SPATA13: variants seen among roughly 807,000 people sequenced by gnomAD.
The protein encoded by SPATA13 is spermatogenesis-associated protein 13.
SPATA13 carries 50 observed loss-of-function variants against 104.0 expected under a neutral mutation model. The ratio of observed to expected loss-of-function variants is 0.48; its 90% CI spans 0.38 to 0.61. The LOEUF (loss-of-function observed/expected upper bound fraction) is 0.61. SPATA13 is among the 20% of genes least tolerant of loss of function. The pLI is 0.00. For synonymous variants in SPATA13, 606 were observed against 667.5 expected, an observed-to-expected ratio of 0.91 and a Z score of 1.42; for missense variants, 1,524 against 1,690.6, an observed-to-expected ratio of 0.90 and a Z score of 1.73.
chr13:24,067,299 C>T (rs1177419300), intron 3 of SPATA13, among the ~76,000 whole-genome samples: 1 of 151,438 alleles, frequency 6.6e-6, no homozygotes, highest in African/African-American at 2.4e-5. Context: ...CCTACTAATC[C>T]CATGTCCCTG....
intron 3 of SPATA13, among the ~76,000 whole-genome samples, chr13:24,095,624 T>A (rs558713314): frequency 1.3e-5 from 2 of 152,292 alleles, no homozygotes; most frequent in Admixed American, 1.3e-4. Flanking sequence ...AAAAACCACC[T>A]TAGATAACAG....
At chr13:24,180,890 G>A (rs1039433924) in intron 1 of SPATA13, among the ~76,000 whole-genome samples, 10 of 151,996 alleles carry the variant, frequency 6.6e-5, no homozygotes, top group Admixed American at 4.6e-4. Context: ...ATCTCTGTGC[G>A]AACATTGTCA....
intron 3 of SPATA13, among the ~76,000 whole-genome samples, chr13:24,114,355 A>AAGTGTGTGCCTGCATGTGTGCACATG (rs1277431925): frequency 1.8e-4 from 13 of 72,986 alleles, no homozygotes; most frequent in Non-Finnish European, 3.2e-4. Context: ...TTCAGTGTGC[A>AAGTGTGTGCCTGCATGTGTGCACATG]CGTGTGTGCC....
At position 24,115,481 on chromosome 13, in the gene SPATA13, C is replaced by A. The variant is rs1361722316; in HGVS notation, c.-112+97780C>A. On this transcript the variant is annotated intron_variant, in intron 3 of 14. Transcript: ENST00000424834. Reference sequence around the variant, plus strand: ...AGCGTGAACCCTATTGCAAACCGCGCATGCGAAGGATGTACGTTGCGTGCT... The same window carrying A: ...AGCGTGAACCCTATTGCAAACCGCGAATGCGAAGGATGTACGTTGCGTGCT... Among the ~76,000 whole-genome samples, 12 of 152,390 alleles carry A rather than the reference C, an allele frequency of 7.9e-5. No homozygotes were observed. The East Asian group carries it at 2.3e-3, about 29-fold the overall frequency.
At chr13:24,284,940 A>G (rs541479708) in intron 5 of SPATA13, among the ~76,000 whole-genome samples, 49 of 152,314 alleles carry the variant, frequency 3.2e-4, no homozygotes, top group African/African-American at 1.2e-3. Context: ...GGCGAATGGC[A>G]GAGCTGGAGG....
At chr13:24,241,602 G>A (rs1220593) in intron 2 of SPATA13, among the ~76,000 whole-genome samples, 37,640 of 152,228 alleles carry the variant, frequency 0.25, 5,412 homozygotes, top group Non-Finnish European at 0.32. Context: ...TGCCTGGACA[G>A]GTGGAAAGAG....
At chr13:24,281,939 C>T (rs1224460445) in intron 4 of SPATA13, among the ~76,000 whole-genome samples, 1 of 152,214 alleles carries the variant, frequency 6.6e-6, no homozygotes, top group East Asian at 1.9e-4. Flanking sequence ...ACAGCCCTGT[C>T]TGTGCTTGGC....
At chr13:24,104,337 A>G (rs1204752164) in intron 3 of SPATA13, among the ~76,000 whole-genome samples, 2 of 152,040 alleles carry the variant, frequency 1.3e-5, no homozygotes, top group Non-Finnish European at 2.9e-5. Context: ...TCCTGGTTCC[A>G]TCAGTCTATA....
chr13:24,073,176 C>T (rs1037734110), intron 3 of SPATA13, among the ~76,000 whole-genome samples: 1 of 151,994 alleles, frequency 6.6e-6, no homozygotes, highest in Non-Finnish European at 1.5e-5. Context: ...GTTGGAAGGC[C>T]AAGTGGGGGA....
chr13:24,192,175 C>G (rs1156546912), intron 1 of SPATA13, among the ~76,000 whole-genome samples: 1 of 152,058 alleles, frequency 6.6e-6, no homozygotes, highest in African/African-American at 2.4e-5. Context: ...ATAGGGGGCA[C>G]AAAAGCAGCT....
intron 3 of SPATA13, chr13:24,122,145 T>C: frequency 6.2e-7 from 1 of 1,611,036 alleles, no homozygotes; most frequent in East Asian, 2.2e-5. Flanking sequence ...CCTCCATGCT[T>C]CTCAATCATT....
intron 3 of SPATA13, among the ~76,000 whole-genome samples, chr13:24,114,636 G>C (rs917865544): frequency 6.7e-6 from 1 of 149,486 alleles, no homozygotes; most frequent in Non-Finnish European, 1.5e-5. Flanking sequence ...ACTCTCCTTA[G>C]TTTTTTTTTT....
chr13:24,086,399 C>G (rs1379003661), intron 3 of SPATA13, among the ~76,000 whole-genome samples: 1 of 152,100 alleles, frequency 6.6e-6, no homozygotes, highest in Non-Finnish European at 1.5e-5. Context: ...GACCCATCTG[C>G]TTGGGTGACA....
intron 2 of SPATA13, among the ~76,000 whole-genome samples, chr13:24,226,029 T>C (rs971285335): frequency 8.5e-5 from 13 of 152,210 alleles, no homozygotes; most frequent in African/African-American, 2.9e-4. Context: ...GTTGCTCCTC[T>C]CTGCAGGCAG....
At chr13:24,015,745 C>G (rs1192426112) in intron 2 of SPATA13, among the ~76,000 whole-genome samples, 1 of 13,992 alleles carries the variant, frequency 7.1e-5, no homozygotes, top group Non-Finnish European at 3.5e-4. Context: ...GCAGGCCCCC[C>G]CCCAATTCCT....
chr13:24,086,564 G>T (rs1253682866), intron 3 of SPATA13, among the ~76,000 whole-genome samples: 4 of 152,208 alleles, frequency 2.6e-5, no homozygotes, highest in Admixed American at 6.5e-5. Flanking sequence ...TAGCCTTGGG[G>T]ACTGGCGAGA....
At chr13:24,192,229 C>T (rs1328870925) in intron 1 of SPATA13, among the ~76,000 whole-genome samples, 2 of 152,142 alleles carry the variant, frequency 1.3e-5, no homozygotes, top group South Asian at 2.1e-4. Flanking sequence ...CACCAGGGAC[C>T]CCCCTCCCCC....
At chr13:24,178,851 A>G (rs763509923) in intron 1 of SPATA13, among the ~76,000 whole-genome samples, 1 of 152,198 alleles carries the variant, frequency 6.6e-6, no homozygotes, top group Non-Finnish European at 1.5e-5. Flanking sequence ...CCACGGAGTC[A>G]TGCACTCATC....
chr13:24,050,150 G>A (rs776816538), intron 3 of SPATA13, among the ~76,000 whole-genome samples: 2 of 152,214 alleles, frequency 1.3e-5, no homozygotes, highest in African/African-American at 4.8e-5. Flanking sequence ...GATTACAAGT[G>A]TGAGCCACCA....
Sources: allele counts gnomAD v4.1 joint callset (sites outside exome capture counted in the v4.1 genomes callset), GRCh38; gene constraint gnomAD v4.1.1; transcripts MANE v1.5; gene names NCBI Gene and HGNC (gene_info 2026-07-23, HGNC 2026-07-21).